KCNK13: variants seen among roughly 807,000 people sequenced by gnomAD.
KCNK13 encodes the protein potassium channel subfamily K member 13.
In KCNK13, 12 loss-of-function variants were observed where a neutral mutation model predicts 23.4. That is an observed-to-expected ratio of 0.51 (90% CI 0.33 to 0.83). The LOEUF is 0.83. KCNK13 is among the 40% of genes least tolerant of loss of function. The probability of loss-of-function intolerance (pLI) is 0.02; values close to 1 mark genes in which losing one functional copy is unlikely to be tolerated. For synonymous variants in KCNK13, 231 were observed against 229.5 expected (o/e 1.01, Z -0.06); for missense variants, 463 against 556.3 (o/e 0.83, Z 1.69).
At chr14:90,112,295 C>A (rs1037299866) in intron 1 of KCNK13, among the ~76,000 whole-genome samples, 1 of 152,194 alleles carries the variant, frequency 6.6e-6, no homozygotes, top group African/African-American at 2.4e-5. Flanking sequence ...TTAAATGAAG[C>A]AGATCATTTC....
chr14:90,161,852 G>C (rs967973321), intron 1 of KCNK13, among the ~76,000 whole-genome samples: 1 of 152,166 alleles, frequency 6.6e-6, no homozygotes, highest in African/African-American at 2.4e-5. Context: ...GAAGAGAAGA[G>C]AGGTGAGGGA....
At chr14:90,122,496 C>T (rs1467503826) in intron 1 of KCNK13, among the ~76,000 whole-genome samples, 1 of 151,974 alleles carries the variant, frequency 6.6e-6, no homozygotes, top group Non-Finnish European at 1.5e-5. Flanking sequence ...CCTGCCACCA[C>T]ACCCGGCTAA....
chr14:90,153,204 A>G (rs1450763916), intron 1 of KCNK13, among the ~76,000 whole-genome samples: 1 of 152,144 alleles, frequency 6.6e-6, no homozygotes, highest in Non-Finnish European at 1.5e-5. Flanking sequence ...CCCAGACCCT[A>G]GTCAGAATTA....
In KCNK13 at chr14:90,110,475, G is replaced by A. The variant is rs775200158; in HGVS notation, c.334+47936G>A. On this transcript the variant is annotated intron_variant, in intron 1 of 1. Coordinates refer to ENST00000282146, the MANE Select transcript of KCNK13 (RefSeq NM_022054.4). ...AGCCTGGGCGACGGAGTGAGTCTTC[G>A]TCTCAAAAAAGAAAAAAAAAAAAAG... Among the ~76,000 whole-genome samples the A allele has an allele frequency of 2.3e-4, 30 of 131,236 alleles. No homozygotes were observed. In the South Asian group the frequency reaches 2.8e-3, roughly 12 times the overall value. 86.1% of individuals were successfully genotyped at this position (131,236 alleles called of 152,430 possible). A position where few individuals can be genotyped will look rare whatever the true frequency, so the allele number is the denominator to read the frequency against.
intron 1 of KCNK13, among the ~76,000 whole-genome samples, chr14:90,156,726 A>G (rs1028286887): frequency 6.6e-6 from 1 of 152,172 alleles, no homozygotes; most frequent in African/African-American, 2.4e-5. Context: ...GATGAGGCAT[A>G]GGGGAGGTTA....
chr14:90,093,032 G>A (rs1212134676), intron 1 of KCNK13, among the ~76,000 whole-genome samples: 1 of 151,992 alleles, frequency 6.6e-6, no homozygotes, highest in African/African-American at 2.4e-5. Context: ...TGGGTATGGG[G>A]TGGACACTCC....
Position 90,184,753 on chromosome 14 carries a change from C to A in KCNK13, c.977C>A (p.Ser326Tyr), listed in dbSNP as rs746606157. 11 of 1,613,822 alleles carry A rather than the reference C, an allele frequency of 6.8e-6. No homozygotes were observed. Among genetic ancestry groups the A allele is most frequent in the South Asian group, 5.5e-5 (5 of 91,080 alleles). The stretch of plus-strand genomic sequence containing the variant: ...AGCGTCCGGAACCGCTGCAACATCT[C>A]CATAGAGACAGACGGGGTGGCAGAG... ...PGSVRNRCNI[S>Y]IETDGVAESD... The change falls in exon 2 of 2, where the codon TCC (serine) becomes TAC (tyrosine). Residue 326 changes from serine (S) to tyrosine (Y), a missense_variant. Transcript: ENST00000282146. This position sits in a 1 kb window ranked among gnomAD's most constrained non-coding sequence, Gnocchi z 5.6.
At chr14:90,094,569 G>C (rs1233697255) in intron 1 of KCNK13, among the ~76,000 whole-genome samples, 2 of 152,076 alleles carry the variant, frequency 1.3e-5, no homozygotes, top group African/African-American at 4.8e-5. Context: ...ACATGTCAGG[G>C]GCAGCACAGC....
intron 1 of KCNK13, among the ~76,000 whole-genome samples, chr14:90,075,455 C>T (rs565564314): frequency 1.3e-5 from 2 of 152,222 alleles, no homozygotes; most frequent in African/African-American, 4.8e-5. Flanking sequence ...GAGCCCATGA[C>T]CTCTTTAACC....
chr14:90,164,846 C>G (rs549682198), intron 1 of KCNK13, among the ~76,000 whole-genome samples: 1 of 152,198 alleles, frequency 6.6e-6, no homozygotes, highest in Non-Finnish European at 1.5e-5. Context: ...TTTCTGGAAG[C>G]ATGAGGGTCC....
chr14:90,101,972 C>T (rs1889487152), intron 1 of KCNK13, among the ~76,000 whole-genome samples: 1 of 151,584 alleles, frequency 6.6e-6, no homozygotes, highest in Non-Finnish European at 1.5e-5. Context: ...CAACCTCTGC[C>T]TCCCAGGTTC....
At chr14:90,125,379 A>G (rs1237191258) in intron 1 of KCNK13, among the ~76,000 whole-genome samples, 1 of 151,702 alleles carries the variant, frequency 6.6e-6, no homozygotes, top group Non-Finnish European at 1.5e-5. Context: ...GCCCGCCACC[A>G]CACCCCGCTA....
intron 1 of KCNK13, among the ~76,000 whole-genome samples, chr14:90,127,648 TA>T (rs11323596): frequency 0.79 from 109,358 of 137,848 alleles, 43,041 homozygotes; most frequent in Admixed American, 0.85. Context: ...CCCCCAACTC[TA>T]AAAAAAAAAA....
intron 1 of KCNK13, among the ~76,000 whole-genome samples, chr14:90,102,842 G>A (rs894872203): frequency 6.6e-6 from 1 of 152,132 alleles, no homozygotes; most frequent in Non-Finnish European, 1.5e-5. Flanking sequence ...TTAGATACAG[G>A]AGGTACATGT....
At position 90,072,058 on chromosome 14, in the gene KCNK13, A is replaced by C. The variant is rs569146241; in HGVS notation, c.334+9519A>C. Among the ~76,000 whole-genome samples, 283 of 152,176 alleles carry C rather than the reference A, an allele frequency of 1.9e-3. 2 individuals are homozygous for C. The highest frequency in any genetic ancestry group is 6.8e-3 in the Middle Eastern group (2 of 294). ...CAGTCCTGCCGAGGACGGTGGGGAA[A>C]ATCACCTCATCAGAAGGCACCTCTG... On this transcript the variant is annotated intron_variant, in intron 1 of 1. Transcript: ENST00000282146.
intron 1 of KCNK13, among the ~76,000 whole-genome samples, chr14:90,154,458 A>G (rs1352048858): frequency 1.3e-5 from 2 of 151,942 alleles, no homozygotes; most frequent in Admixed American, 6.6e-5. Context: ...TCTACCCACA[A>G]TGCCTGCTCT....
intron 1 of KCNK13, among the ~76,000 whole-genome samples, chr14:90,171,870 G>T (rs1890368373): frequency 1.3e-5 from 2 of 152,124 alleles, no homozygotes; most frequent in South Asian, 2.1e-4. Context: ...TGATTTGGGG[G>T]CCCCAAGATT....
At chr14:90,177,549 G>A (rs1026482903) in intron 1 of KCNK13, among the ~76,000 whole-genome samples, 6 of 152,116 alleles carry the variant, frequency 3.9e-5, no homozygotes, top group East Asian at 1.9e-4. Context: ...ATTGGTTTTC[G>A]GAGTATGCAT....
chr14:90,134,781 G>A (rs1254507998), intron 1 of KCNK13, among the ~76,000 whole-genome samples: 3 of 152,172 alleles, frequency 2.0e-5, no homozygotes, highest in Non-Finnish European at 4.4e-5. Flanking sequence ...TATGAATGGT[G>A]TTTTGCATTT....
Sources: allele counts gnomAD v4.1 joint callset (sites outside exome capture counted in the v4.1 genomes callset), GRCh38; gene constraint gnomAD v4.1.1; non-coding constraint Gnocchi (gnomAD v3.1); transcripts MANE v1.5; gene names NCBI Gene and HGNC (gene_info 2026-07-23, HGNC 2026-07-21).